SLC30A10: variants seen among roughly 807,000 people sequenced by gnomAD.
SLC30A10 encodes calcium/manganese antiporter SLC30A10.
SLC30A10 carries 8 observed loss-of-function variants against 21.7 expected under a neutral mutation model. The observed-to-expected ratio is 0.37, with a 90% CI of 0.22 to 0.67. The LOEUF is 0.67. SLC30A10 is among the 30% of genes least tolerant of loss of function. The pLI is 0.58. For missense variants in SLC30A10, 521 were observed against 642.5 expected, an observed-to-expected ratio of 0.81 and a Z score of 2.04; for synonymous variants, 272 against 279.4, an observed-to-expected ratio of 0.97 and a Z score of 0.26.
chr1:219,928,387 G>A lies in SLC30A10; in HGVS notation c.54C>T (p.Thr18=). Residue 18 remains threonine, a synonymous_variant, in exon 1 of 4, where the codon ACC becomes ACT. Coordinates refer to ENST00000366926, the MANE Select transcript of SLC30A10 (RefSeq NM_018713.3). This position sits in a 1 kb window ranked among gnomAD's most constrained non-coding sequence, Gnocchi z 6.3. ...CCAGCTCCGCCACGAAGAAGGCGACGGTGAGCACCAGCATGAAGAGCAGCC... is the reference window on the plus strand; with the variant it reads ...CCAGCTCCGCCACGAAGAAGGCGACAGTGAGCACCAGCATGAAGAGCAGCC... ...TCRLLFMLVL[T]VAFFVAELVS... 1.2e-6 allele frequency: 2 copies of A among 1,613,460 alleles called. No homozygotes were observed. The highest frequency in any genetic ancestry group is 1.7e-6 in the Non-Finnish European group (2 of 1,179,710).
At chr1:219,928,893 G>C (rs1000528225), upstream of SLC30A10, among the ~76,000 whole-genome samples, 37 of 152,330 alleles carry the variant, frequency 2.4e-4, no homozygotes, top group Non-Finnish European at 1.5e-4. This position sits in a 1 kb window ranked among gnomAD's most constrained non-coding sequence, Gnocchi z 6.3. Context: ...CCAGTGTCCT[G>C]TTGACTCAGT....
Position 219,918,248 on chromosome 1 carries a change from T to C in SLC30A10, c.958+7A>G. 6.2e-7 allele frequency: 1 copy of C among 1,613,110 alleles called. No homozygotes were observed. ...AGTGGTTCTGGATCAAAATTCAGTC[T>C]ACTTACTCAGCTCTTCCATGTTGAC... On this transcript the variant is annotated splice_region_variant and intron_variant, in intron 3 of 3. Transcript: ENST00000366926. This position sits in a 1 kb window ranked among gnomAD's most constrained non-coding sequence, Gnocchi z 4.4.
chr1:219,919,980 C>T (rs1167813849), intron 2 of SLC30A10, among the ~76,000 whole-genome samples: 3 of 152,118 alleles, frequency 2.0e-5, no homozygotes, highest in African/African-American at 7.2e-5. Flanking sequence ...TTGGAAGGTG[C>T]TTTAATTGAG....
chr1:219,937,038 C>T (rs1347403512), intron 1 of SLC30A10, among the ~76,000 whole-genome samples: 1 of 152,116 alleles, frequency 6.6e-6, no homozygotes, highest in Non-Finnish European at 1.5e-5. Context: ...AAAAGAAGAG[C>T]TCTTGGGTTA....
chr1:219,924,839 G>A (rs1294505656), intron 2 of SLC30A10, among the ~76,000 whole-genome samples: 2 of 152,148 alleles, frequency 1.3e-5, no homozygotes, highest in African/African-American at 4.8e-5. Context: ...CCCATAAGGT[G>A]GGTACTGTTA....
At chr1:219,951,652 C>T (rs900161889) in intron 1 of SLC30A10, among the ~76,000 whole-genome samples, 1 of 151,324 alleles carries the variant, frequency 6.6e-6, no homozygotes, top group African/African-American at 2.4e-5. Context: ...ACCCAGGAGG[C>T]GGAGCTTGCA....
intron 1 of SLC30A10, among the ~76,000 whole-genome samples, chr1:219,938,346 C>T (rs1397934047): frequency 2.0e-5 from 3 of 152,208 alleles, no homozygotes; most frequent in Non-Finnish European, 2.9e-5. Context: ...CTCCAAAGGC[C>T]CATCACTCTA....
intron 1 of SLC30A10, among the ~76,000 whole-genome samples, chr1:219,951,115 C>T (rs1057173553): frequency 6.6e-6 from 1 of 152,088 alleles, no homozygotes; most frequent in Non-Finnish European, 1.5e-5. Flanking sequence ...CACGCACCAC[C>T]ACATCTGGCT....
chr1:219,930,753 G>A (rs1433001423), upstream of SLC30A10, among the ~76,000 whole-genome samples: 2 of 152,200 alleles, frequency 1.3e-5, no homozygotes, highest in Non-Finnish European at 2.9e-5. Context: ...CAATAATGTA[G>A]AGGTAAGAAG....
chr1:219,919,035 C>T (rs1017968995), intron 2 of SLC30A10: 1 of 152,064 alleles, frequency 6.6e-6, no homozygotes, highest in African/African-American at 2.4e-5. Context: ...TAAGAGGTGT[C>T]CAAGAACAGG....
Position 219,927,929 on chromosome 1 carries a change from T to C in SLC30A10, c.512A>G (p.Gln171Arg). The C allele has an allele frequency of 6.5e-7, 1 of 1,537,730 alleles. No homozygotes were observed. Among genetic ancestry groups the C allele is most frequent in the East Asian group, 2.6e-5 (1 of 39,062 alleles). Residue 171 changes from glutamine (Q) to arginine (R), a missense_variant, in exon 1 of 4, where the codon CAG becomes CGG. Transcript: ENST00000366926. ...GCVPGAFGGP[Q>R]GAEDPRRAAD... ...CGCGCGCCGCGGGTCCTCCGCGCCC[T>C]GAGGCCCCCCGAAAGCGCCGGGGAC...
In SLC30A10 at chr1:219,913,661, C is replaced by T. The variant is rs1249468645; in HGVS notation, c.*1788G>A. 2.6e-5 allele frequency: 4 copies of T among 152,184 alleles called. No homozygotes were observed. Among genetic ancestry groups the T allele is most frequent in the African/African-American group, 9.7e-5 (4 of 41,450 alleles). The allele number at this position is 152,184 out of a possible 1,614,324, so 9.4% of individuals were successfully genotyped here. On this transcript the variant is annotated 3_prime_UTR_variant, in exon 4 of 4. Transcript: ENST00000366926. ...AATAGAAATTCTTACTTATTAACCC[C>T]TTTGAGCTTATAAAGGGCATATAAC...
chr1:219,920,080 T>G (rs1659642495), intron 2 of SLC30A10, among the ~76,000 whole-genome samples: 1 of 152,112 alleles, frequency 6.6e-6, no homozygotes, highest in Non-Finnish European at 1.5e-5. Flanking sequence ...TTGAGGCAGT[T>G]GCCTCAAATT....
intron 2 of SLC30A10, among the ~76,000 whole-genome samples, chr1:219,922,139 A>G: frequency 8.6e-6 from 1 of 116,500 alleles, no homozygotes; most frequent in East Asian, 2.7e-4. Context: ...TTTTTAAAAG[A>G]ATTTTTTTAC....
chr1:219,954,684 A>G (rs1660321320), intron 1 of SLC30A10, among the ~76,000 whole-genome samples: 1 of 149,460 alleles, frequency 6.7e-6, no homozygotes, highest in Non-Finnish European at 1.5e-5. Flanking sequence ...CCATCTCAAA[A>G]AAAAAAAAAA....
intron 1 of SLC30A10, among the ~76,000 whole-genome samples, chr1:219,952,767 T>C (rs956846521): frequency 3.9e-5 from 6 of 152,166 alleles, no homozygotes; most frequent in Non-Finnish European, 8.8e-5. Context: ...TTACCTGATA[T>C]CAGTCATAGC....
In SLC30A10 at chr1:219,915,898, T is replaced by C. The variant is rs773025168; in HGVS notation, c.1009A>G (p.Ile337Val). Residue 337 changes from isoleucine to valine, a missense_variant, in exon 4 of 4, where the codon ATC (isoleucine) becomes GTC (valine). Physicochemically the swap from Ile to Val is conservative, Grantham distance 29 (BLOSUM62 3). Coordinates refer to ENST00000366926, the MANE Select transcript of SLC30A10 (RefSeq NM_018713.3). ...ATCTTTCCACTTACAAGTTCCCAGATGTGCACTTCATGTACACTGCTAATT... is the reference window on the plus strand; with the variant it reads ...ATCTTTCCACTTACAAGTTCCCAGACGTGCACTTCATGTACACTGCTAATT... ...PGISSVHEVH[I>V]WELVSGKIIA... 9 of 1,614,096 alleles carry C rather than the reference T, an allele frequency of 5.6e-6. No homozygotes were observed. The Admixed American group carries it at 1.5e-4, about 27-fold the overall frequency.
chr1:219,933,411 G>GTAGC (rs1478340737), upstream of SLC30A10, among the ~76,000 whole-genome samples: 1 of 152,342 alleles, frequency 6.6e-6, no homozygotes, highest in East Asian at 1.9e-4. Flanking sequence ...AAAAGGCAGA[G>GTAGC]TAGCGCTGCA....
rs996976684 is a variant in SLC30A10, at chr1:219,913,640, G to A, written c.*1809C>T. The A allele has an allele frequency of 3.4e-4, 52 of 152,168 alleles. No homozygotes were observed. The highest frequency in any genetic ancestry group is 1.2e-3 in the African/African-American group (50 of 41,430). 9.4% of individuals were successfully genotyped at this position (152,168 alleles called of 1,614,324 possible). A position where few individuals can be genotyped will look rare whatever the true frequency, so the allele number is the denominator to read the frequency against. ...TGCCACACTTTTAATACTAAAAATA[G>A]AAATTCTTACTTATTAACCCCTTTG... is the stretch of plus-strand genomic sequence containing the variant. On this transcript the variant is annotated 3_prime_UTR_variant, in exon 4 of 4. Coordinates refer to ENST00000366926, the MANE Select transcript of SLC30A10 (RefSeq NM_018713.3).
Sources: gnomAD v4.1 joint callset for allele counts (sites outside exome capture counted in the v4.1 genomes callset) on GRCh38, gnomAD v4.1.1 for gene constraint, Gnocchi (gnomAD v3.1) non-coding constraint, MANE v1.5 for transcripts, NCBI Gene and HGNC (gene_info 2026-07-23, HGNC 2026-07-21) for gene names.